CUX1: variants seen among roughly 807,000 people sequenced by gnomAD.
CUX1 encodes the protein protein CASP.
A neutral mutation model predicts 158.8 loss-of-function variants in CUX1; 31 were observed. The observed-to-expected ratio is 0.20, with a 90% CI of 0.15 to 0.26. The LOEUF (loss-of-function observed/expected upper bound fraction) is 0.26, where lower values mean the gene tolerates loss of function less well. Ranked by LOEUF, CUX1 falls within the 10% of genes least tolerant of loss-of-function variation. CUX1 has a pLI of 1.00. For synonymous variants in CUX1, 879 were observed against 862.1 expected, an observed-to-expected ratio of 1.02 and a Z score of -0.34; for missense variants, 1,589 against 2,014.6, an observed-to-expected ratio of 0.79 and a Z score of 4.04.
At chr7:102,041,477 C>CA (rs1822086566) in intron 3 of CUX1, among the ~76,000 whole-genome samples, 2 of 151,296 alleles carry the variant, frequency 1.3e-5, no homozygotes, top group African/African-American at 4.9e-5. Context: ...TGGTCTTGAA[C>CA]TCCTGGCCTC....
At chr7:101,912,215 C>T (rs1483079279) in intron 1 of CUX1, among the ~76,000 whole-genome samples, 1 of 132,990 alleles carries the variant, frequency 7.5e-6, no homozygotes, top group Non-Finnish European at 1.6e-5. Context: ...ACCCCTCTTC[C>T]CCCTCCCCTC....
rs542036725 is a variant in CUX1, at chr7:102,164,934, C to T, written c.724-5512C>T. Among the ~76,000 whole-genome samples, 5 of 152,258 alleles carry T rather than the reference C, an allele frequency of 3.3e-5. No homozygotes were observed. The South Asian group carries it at 6.2e-4, about 19-fold the overall frequency. Reference sequence around the variant, plus strand: ...GAAGATTGGATCAGAGAAAACCCCCCTCCCCCGCCATATAAAACCAGGGAC... The same window carrying T: ...GAAGATTGGATCAGAGAAAACCCCCTTCCCCCGCCATATAAAACCAGGGAC... On this transcript the variant is annotated intron_variant, in intron 9 of 23. Coordinates refer to ENST00000292535, the MANE Select transcript of CUX1 (RefSeq NM_181552.4).
In CUX1 at chr7:102,177,426, A is replaced by G. The variant is rs566084009; in HGVS notation, c.829-1043A>G. Among the ~76,000 whole-genome samples the G allele has an allele frequency of 1.5e-3, 226 of 150,400 alleles. 4 individuals carry two copies. The South Asian group carries it at 0.034, about 23-fold the overall frequency. ...AAAACTCTATCTCAAAAAAAAAAAA[A>G]AAAGAAAAGAAAAAGAAAATGCTGA... On this transcript the variant is annotated intron_variant, in intron 10 of 23. Transcript: ENST00000292535.
intron 20 of CUX1, among the ~76,000 whole-genome samples, chr7:102,225,083 G>T (rs1487051330): frequency 1.3e-5 from 2 of 152,160 alleles, no homozygotes; most frequent in African/African-American, 4.8e-5. Flanking sequence ...GGTGACCCGG[G>T]GGGTGAGCAG....
At chr7:101,932,516 G>A (rs750725926) in intron 2 of CUX1, 31 of 442,690 alleles carry the variant, frequency 7.0e-5, no homozygotes, top group Non-Finnish European at 1.1e-4. Context: ...AGATCAGCTC[G>A]TTCAGTTACA....
chr7:102,134,576 C>G (rs1451485636), intron 8 of CUX1, among the ~76,000 whole-genome samples: 1 of 152,152 alleles, frequency 6.6e-6, no homozygotes, highest in African/African-American at 2.4e-5. Flanking sequence ...GTCTTTCCCC[C>G]ACCGCTTTGC....
intron 2 of CUX1, among the ~76,000 whole-genome samples, chr7:101,940,326 G>C (rs1807552329): frequency 6.6e-6 from 1 of 152,008 alleles, no homozygotes; most frequent in African/African-American, 2.4e-5. Context: ...AAAGATGTAA[G>C]TGTTGTTGGC....
At chr7:101,935,983 G>A (rs1806875285) in intron 2 of CUX1, among the ~76,000 whole-genome samples, 1 of 152,162 alleles carries the variant, frequency 6.6e-6, no homozygotes, top group Non-Finnish European at 1.5e-5. Context: ...TTAAAACAAG[G>A]AAGCGGTGGT....
intron 2 of CUX1, among the ~76,000 whole-genome samples, chr7:102,008,606 A>G (rs1448327114): frequency 6.6e-6 from 1 of 152,092 alleles, no homozygotes; most frequent in African/African-American, 2.4e-5. Flanking sequence ...ACCAGTGTTC[A>G]GCCCCCAACC....
intron 2 of CUX1, among the ~76,000 whole-genome samples, chr7:102,021,140 A>G (rs1222886045): frequency 6.6e-6 from 1 of 152,170 alleles, no homozygotes; most frequent in East Asian, 1.9e-4. Context: ...TGGAAAGACT[A>G]CATTGTCTCC....
chr7:102,080,313 T>C (rs1175921979), intron 4 of CUX1, among the ~76,000 whole-genome samples: 1 of 152,192 alleles, frequency 6.6e-6, no homozygotes, highest in Non-Finnish European at 1.5e-5. Flanking sequence ...ACGCCGGGTA[T>C]CTAGACAGCT....
intron 4 of CUX1, among the ~76,000 whole-genome samples, chr7:102,076,316 T>C (rs1585554181): frequency 6.6e-6 from 1 of 151,606 alleles, no homozygotes; most frequent in Non-Finnish European, 1.5e-5. Context: ...ACCCAAGAGG[T>C]GGAGGTTGCA....
chr7:102,240,750 A>G (rs183347385), intron 23 of CUX1, among the ~76,000 whole-genome samples: 1 of 152,302 alleles, frequency 6.6e-6, no homozygotes, highest in African/African-American at 2.4e-5. Context: ...TAAGTATTTC[A>G]CCGAGTTATA....
At chr7:102,127,687 G>A (rs1211504963) in intron 8 of CUX1, among the ~76,000 whole-genome samples, 4 of 152,082 alleles carry the variant, frequency 2.6e-5, no homozygotes, top group African/African-American at 9.7e-5. Context: ...TGAGCCCTAA[G>A]ACTTACCACT....
chr7:102,092,869 C>T lies in CUX1; in HGVS notation c.269-4495C>T, dbSNP rs1248356514. On this transcript the variant is annotated intron_variant, in intron 4 of 23. Coordinates refer to ENST00000292535, the MANE Select transcript of CUX1 (RefSeq NM_181552.4). Reference sequence around the variant, plus strand: ...CAGAGGATGTAGTGAGCCAAGATAGCGCCACTGCACTCCCGTCTGGGTGAC... The same window carrying T: ...CAGAGGATGTAGTGAGCCAAGATAGTGCCACTGCACTCCCGTCTGGGTGAC... Among the ~76,000 whole-genome samples the T allele has an allele frequency of 4.3e-5, 6 of 140,888 alleles. No homozygotes were observed. In the East Asian group the frequency reaches 8.0e-4, roughly 19 times the overall value. 92.4% of individuals were successfully genotyped at this position (140,888 alleles called of 152,430 possible). A position where few individuals can be genotyped will look rare whatever the true frequency, so the allele number is the denominator to read the frequency against.
intron 23 of CUX1, 116 bp downstream of exon 23, chr7:102,239,700 C>T (rs553544691): frequency 2.1e-5 from 25 of 1,216,464 alleles, no homozygotes; most frequent in Non-Finnish European, 2.8e-5. Context: ...GCGCTGGGAG[C>T]TCGGTGATTG....
intron 21 of CUX1, among the ~76,000 whole-genome samples, chr7:102,231,916 T>G (rs1037801023): frequency 6.6e-6 from 1 of 152,028 alleles, no homozygotes; most frequent in East Asian, 1.9e-4. Flanking sequence ...GGTTTTACTG[T>G]GTGAGCCAGG....
chr7:102,131,675 TTTA>T (rs202061618), intron 8 of CUX1, among the ~76,000 whole-genome samples: 97 of 140,118 alleles, frequency 6.9e-4, no homozygotes, highest in Middle Eastern at 4.0e-3. Context: ...ATTTTATTTA[TTTA>T]TTTTTTTTTT....
intron 22 of CUX1, among the ~76,000 whole-genome samples, chr7:102,235,765 AC>A (rs1465077282): frequency 5.8e-5 from 1 of 17,176 alleles, no homozygotes; most frequent in Non-Finnish European, 1.3e-4. Flanking sequence ...AGCCCACCCC[AC>A]CCCCGTCCCC....
Sources: gnomAD v4.1 joint callset for allele counts (sites outside exome capture counted in the v4.1 genomes callset) on GRCh38, gnomAD v4.1.1 for gene constraint, MANE v1.5 for transcripts, NCBI Gene and HGNC (gene_info 2026-07-23, HGNC 2026-07-21) for gene names.